Variants in LYPD6B observed in about 807,000 individuals in gnomAD.
LYPD6B encodes LY6/PLAUR domain containing 6B.
LYPD6B carries 17 observed loss-of-function variants against 22.8 expected under a neutral mutation model. The ratio of observed to expected loss-of-function variants is 0.75; its 90% CI spans 0.51 to 1.12. The LOEUF (loss-of-function observed/expected upper bound fraction) is 1.12, where lower values mean the gene tolerates loss of function less well. Ranked by LOEUF, LYPD6B falls within the 50% of genes most tolerant of loss-of-function variation. LYPD6B has a pLI of 0.00. For synonymous variants in LYPD6B, 106 were observed against 91.6 expected (o/e 1.16, Z -0.90); for missense variants, 221 against 258.3 (o/e 0.86, Z 0.99).
intron 3 of LYPD6B, chr2:149,187,641 C>T: frequency 1.1e-6 from 1 of 915,114 alleles, no homozygotes; most frequent in Admixed American, 3.7e-5. Flanking sequence ...CTTAAGCAGG[C>T]TTGTCCAATC....
chr2:149,125,958 G>A (rs1346044025), intron 1 of LYPD6B, among the ~76,000 whole-genome samples: 3 of 152,052 alleles, frequency 2.0e-5, no homozygotes, highest in Admixed American at 2.0e-4. Flanking sequence ...TCCTCATTGG[G>A]TGTTCTAGTT....
intron 3 of LYPD6B, among the ~76,000 whole-genome samples, chr2:149,161,742 A>G (rs73010477): frequency 0.011 from 1,657 of 152,278 alleles, 25 homozygotes; most frequent in African/African-American, 0.037. Context: ...GCTTAAGATT[A>G]TGAGCTGATC....
intron 2 of LYPD6B, among the ~76,000 whole-genome samples, chr2:149,159,616 G>GTGTA (rs1355041587): frequency 6.6e-6 from 1 of 151,550 alleles, no homozygotes; most frequent in African/African-American, 2.4e-5. Context: ...GTGTGTGTGT[G>GTGTA]TGTGTGTGTA....
intron 1 of LYPD6B, among the ~76,000 whole-genome samples, chr2:149,099,476 C>CGTACCTAGG (rs6146963): frequency 2.6e-5 from 4 of 152,108 alleles, no homozygotes; most frequent in South Asian, 2.1e-4. Flanking sequence ...TTGGTCCCCT[C>CGTACCTAGG]ATGGTAGGGT....
intron 1 of LYPD6B, among the ~76,000 whole-genome samples, chr2:149,129,584 G>A (rs972282756): frequency 2.6e-5 from 4 of 152,214 alleles, no homozygotes; most frequent in East Asian, 1.9e-4. Context: ...TTAAGTCAAC[G>A]GAATGCAGCC....
At chr2:149,054,827 C>T (rs1185788541) in intron 1 of LYPD6B, among the ~76,000 whole-genome samples, 2 of 151,718 alleles carry the variant, frequency 1.3e-5, no homozygotes, top group African/African-American at 4.8e-5. Context: ...TGCAGTGAGC[C>T]ATGATTGCAC....
chr2:149,053,592 G>A (rs980792781), intron 1 of LYPD6B, among the ~76,000 whole-genome samples: 2 of 152,082 alleles, frequency 1.3e-5, no homozygotes, highest in African/African-American at 2.4e-5. Flanking sequence ...TATAATACAC[G>A]TACCATAAAA....
chr2:149,134,469 A>G (rs564237836), intron 2 of LYPD6B, among the ~76,000 whole-genome samples: 35 of 152,330 alleles, frequency 2.3e-4, no homozygotes, highest in African/African-American at 8.4e-4. Context: ...AGGTATCTGT[A>G]GGCCTGGAAA....
intron 2 of LYPD6B, among the ~76,000 whole-genome samples, chr2:149,143,029 G>A (rs1251688631): frequency 6.6e-6 from 1 of 152,042 alleles, no homozygotes; most frequent in Non-Finnish European, 1.5e-5. Context: ...TCTTACATCA[G>A]TTTGGCACAT....
At chr2:149,158,123 C>T (rs1430787838) in intron 2 of LYPD6B, among the ~76,000 whole-genome samples, 1 of 152,184 alleles carries the variant, frequency 6.6e-6, no homozygotes, top group Non-Finnish European at 1.5e-5. Context: ...GCTGCTACTA[C>T]TGATTCTGAA....
Position 149,158,683 on chromosome 2 carries a change from A to G in LYPD6B, c.6-2081A>G, listed in dbSNP as rs531477038. On this transcript the variant is annotated intron_variant, in intron 2 of 6. Transcript: ENST00000409642. The stretch of plus-strand genomic sequence containing the variant: ...TGGTTAAAATGATAAACTTTTCATT[A>G]TGCTCGTTTTACCATAATAAAAAAG... 5.3e-5 allele frequency among the ~76,000 whole-genome samples: 8 copies of G among 152,362 alleles called. No individual in the cohort carries two copies. In the East Asian group the frequency reaches 1.3e-3, roughly 26 times the overall value.
intron 3 of LYPD6B, among the ~76,000 whole-genome samples, chr2:149,165,967 G>A (rs1402329056): frequency 6.6e-6 from 1 of 152,138 alleles, no homozygotes; most frequent in Non-Finnish European, 1.5e-5. Flanking sequence ...ATGTAATAAA[G>A]ACACTTATTA....
intron 1 of LYPD6B, among the ~76,000 whole-genome samples, chr2:149,051,723 T>C (rs1683570679): frequency 6.6e-6 from 1 of 152,054 alleles, no homozygotes. Flanking sequence ...TGAAGTGCAG[T>C]GGTGCAATCT....
At chr2:149,153,869 A>T (rs1689530759) in intron 2 of LYPD6B, among the ~76,000 whole-genome samples, 1 of 151,992 alleles carries the variant, frequency 6.6e-6, no homozygotes. Flanking sequence ...TGGAAAAGAG[A>T]GGACAGACAT....
intron 2 of LYPD6B, among the ~76,000 whole-genome samples, chr2:149,147,113 T>A (rs1689074158): frequency 6.6e-6 from 1 of 152,072 alleles, no homozygotes; most frequent in Admixed American, 6.5e-5. Flanking sequence ...TGACTCAGAT[T>A]CTCTTTGAGC....
intron 1 of LYPD6B, among the ~76,000 whole-genome samples, chr2:149,098,074 T>G (rs1394450229): frequency 2.0e-5 from 3 of 152,310 alleles, no homozygotes; most frequent in Admixed American, 1.3e-4. Flanking sequence ...GTTATAACTT[T>G]GTCTTTTGTT....
At chr2:149,149,202 A>G (rs1003963435) in intron 2 of LYPD6B, among the ~76,000 whole-genome samples, 2 of 152,192 alleles carry the variant, frequency 1.3e-5, no homozygotes, top group South Asian at 2.1e-4. Context: ...CAAAACTGCA[A>G]TTACTTTTGC....
chr2:149,214,804 A>G lies in LYPD6B; in HGVS notation c.*94A>G, dbSNP rs1694092143. On this transcript the variant is annotated 3_prime_UTR_variant, in exon 7 of 7. Transcript: ENST00000409642. Reference sequence around the variant, plus strand: ...ACTTTGGAGTGAAGATCAATCTTGCACTTGGTGAAGAGTGCACATTGGACC... The same window carrying G: ...ACTTTGGAGTGAAGATCAATCTTGCGCTTGGTGAAGAGTGCACATTGGACC... The G allele has an allele frequency of 2.2e-6, 3 of 1,368,904 alleles. No individual in the cohort carries two copies. The highest frequency in any genetic ancestry group is 2.1e-6 in the Non-Finnish European group (2 of 968,282). The allele number at this position is 1,368,904 out of a possible 1,614,324, so 84.8% of individuals were successfully genotyped here. A position where few individuals can be genotyped will look rare whatever the true frequency, so the allele number is the denominator to read the frequency against.
chr2:149,196,902 C>A (rs2106096101), intron 3 of LYPD6B, among the ~76,000 whole-genome samples: 1 of 152,320 alleles, frequency 6.6e-6, no homozygotes, highest in South Asian at 2.1e-4. Flanking sequence ...ATTTCCTCAA[C>A]TGAATGCCAC....
Sources: allele counts gnomAD v4.1 joint callset (sites outside exome capture counted in the v4.1 genomes callset), GRCh38; gene constraint gnomAD v4.1.1; transcripts MANE v1.5; gene names NCBI Gene and HGNC (gene_info 2026-07-23, HGNC 2026-07-21).